Variants in PIGZ observed in about 807,000 individuals in gnomAD.
PIGZ encodes the protein phosphatidylinositol glycan anchor biosynthesis class Z (Gwada blood group).
Under a neutral mutation model 16.4 loss-of-function variants are expected in PIGZ, and 16 were observed. The ratio of observed to expected loss-of-function variants is 0.97; its 90% CI spans 0.66 to 1.48. The LOEUF is 1.48. Among genes scored for constraint, PIGZ ranks in the 40% most tolerant of loss-of-function variants. PIGZ has a pLI of 0.00. For missense variants in PIGZ, 770 were observed against 739.2 expected (o/e 1.04, Z -0.48); for synonymous variants, 409 against 338.4 (o/e 1.21, Z -2.29).
At position 196,948,150 on chromosome 3, in the gene PIGZ, AG is replaced by A; in HGVS notation, c.746del (p.Pro249LeufsTer3). 6.2e-7 allele frequency: 1 copy of A among 1,610,860 alleles called. No individual in the cohort carries two copies. Among genetic ancestry groups the A allele is most frequent in the East Asian group, 2.2e-5 (1 of 44,800 alleles). ...CCTCCCGGGTCAGAGACTTCAAACC[AG>A]GGTTTGTGGCTCCACGAGTGCCCCA... ...YLWGTRGATN[P>X]GLKSLTREAL... is the part of the protein sequence containing the mutation. On this transcript the variant is annotated frameshift_variant, in exon 3 of 3. Transcript: ENST00000412723. LOFTEE classifies it low-confidence loss of function (END_TRUNC).
Position 196,949,105 on chromosome 3 carries a change from G to A in PIGZ, c.212-420C>T, listed in dbSNP as rs142725212. 2.4e-4 allele frequency among the ~76,000 whole-genome samples: 34 copies of A among 140,874 alleles called. No individual in the cohort carries two copies. In the East Asian group the frequency reaches 3.7e-3, roughly 15 times the overall value. The allele number at this position is 140,874 out of a possible 152,430, so 92.4% of individuals were successfully genotyped here. ...ATCTCTGTCACCCAGGCTGGAGTGC[G>A]GTGGCGAGATCACAGCTCTCGCTAT... On this transcript the variant is annotated intron_variant, in intron 2 of 2. Coordinates refer to ENST00000412723, the MANE Select transcript of PIGZ (RefSeq NM_025163.4).
intron 2 of PIGZ, among the ~76,000 whole-genome samples, chr3:196,949,574 C>A (rs534233482): frequency 1.6e-4 from 25 of 152,344 alleles, no homozygotes; most frequent in African/African-American, 5.8e-4. Context: ...CTGATGTCCA[C>A]CTTGTGAGCA....
intron 1 of PIGZ, among the ~76,000 whole-genome samples, chr3:196,961,339 A>G (rs1717715874): frequency 1.3e-5 from 2 of 152,204 alleles, no homozygotes; most frequent in Admixed American, 6.5e-5. Flanking sequence ...TGATCACCCA[A>G]CCCTTCCAAA....
Position 196,960,763 on chromosome 3 carries a change from G to GAAAGAAAGAAAGAAAGAAAGAAAGAA in PIGZ, c.-1+7923_-1+7924insTTCTTTCTTTCTTTCTTTCTTTCTTT, listed in dbSNP as rs766748842. Among the ~76,000 whole-genome samples the GAAAGAAAGAAAGAAAGAAAGAAAGAA allele has an allele frequency of 1.0e-3, 152 of 146,794 alleles. 1 individual carries two copies. The highest frequency in any genetic ancestry group is 2.4e-3 in the Admixed American group (35 of 14,694). ...AGAAAGAAAGAAAGAAAGAAAGAAA[G>GAAAGAAAGAAAGAAAGAAAGAAAGAA]AAAAGAAAACAACTACCTGCCTATC... On this transcript the variant is annotated intron_variant, in intron 1 of 2. Transcript: ENST00000412723.
chr3:196,968,030 C>T (rs955483038), intron 1 of PIGZ, among the ~76,000 whole-genome samples: 2 of 152,234 alleles, frequency 1.3e-5, no homozygotes, highest in Non-Finnish European at 2.9e-5. Context: ...GTCCTCATTA[C>T]AGAACTTTCC....
intron 1 of PIGZ, among the ~76,000 whole-genome samples, chr3:196,960,195 G>A (rs754986280): frequency 5.9e-5 from 9 of 152,214 alleles, no homozygotes; most frequent in Non-Finnish European, 1.2e-4. Context: ...GGTGTTCAGA[G>A]AGATTTTCCT....
chr3:196,967,871 G>A (rs1717993501), intron 1 of PIGZ, among the ~76,000 whole-genome samples: 1 of 152,228 alleles, frequency 6.6e-6, no homozygotes, highest in Non-Finnish European at 1.5e-5. Context: ...AACCACCCGC[G>A]ACCTTGCAGT....
At chr3:196,952,332 T>C (rs989649348) in intron 1 of PIGZ, among the ~76,000 whole-genome samples, 1 of 152,268 alleles carries the variant, frequency 6.6e-6, no homozygotes, top group Middle Eastern at 3.2e-3. Flanking sequence ...TCATTTTATG[T>C]GTCCACTTGA....
At chr3:196,959,584 C>A (rs1717628094) in intron 1 of PIGZ, among the ~76,000 whole-genome samples, 1 of 152,188 alleles carries the variant, frequency 6.6e-6, no homozygotes, top group South Asian at 2.1e-4. Context: ...AAACAACCAA[C>A]CAAAACTCCC....
At position 196,947,491 on chromosome 3, in the gene PIGZ, G is replaced by C; in HGVS notation, c.1406C>G (p.Pro469Arg). Residue 469 changes from proline to arginine, a missense_variant, in exon 3 of 3, where the codon CCC becomes CGC. Pro to Arg is a moderately radical substitution (Grantham distance 103, BLOSUM62 -2). Transcript: ENST00000412723. ...TLLFTHTYMP[P>R]RHLLHLPGLG... ...GCCTGGGAGGTGTAGGAGGTGCCGG[G>C]GGGGCATGTAGGTGTGAGTGAAGAG... The C allele has an allele frequency of 6.2e-7, 1 of 1,613,648 alleles. No individual in the cohort carries two copies. The highest frequency in any genetic ancestry group is 8.5e-7 in the Non-Finnish European group (1 of 1,179,982).
Position 196,951,640 on chromosome 3 carries a change from C to T in PIGZ, c.211+181G>A, listed in dbSNP as rs1398654393. The T allele has an allele frequency of 8.0e-6, 5 of 628,300 alleles. No individual in the cohort carries two copies. In the Admixed American group the frequency reaches 8.0e-5, roughly 10 times the overall value. The allele number at this position is 628,300 out of a possible 1,614,324, so 38.9% of individuals were successfully genotyped here. On this transcript the variant is annotated intron_variant, in intron 2 of 2. Transcript: ENST00000412723. ...TACCCAGAAGGTCAGTGTCACCACTCGGGAAGGAGATATGAAGTCCCCACT... is the reference window on the plus strand; with the variant it reads ...TACCCAGAAGGTCAGTGTCACCACTTGGGAAGGAGATATGAAGTCCCCACT...
intron 1 of PIGZ, among the ~76,000 whole-genome samples, chr3:196,962,201 C>T (rs1717747839): frequency 6.6e-6 from 1 of 152,186 alleles, no homozygotes; most frequent in South Asian, 2.1e-4. Flanking sequence ...GAAACATGCG[C>T]TGTATTGACT....
chr3:196,957,888 T>C (rs1717561938), intron 1 of PIGZ, among the ~76,000 whole-genome samples: 1 of 152,274 alleles, frequency 6.6e-6, no homozygotes, highest in Non-Finnish European at 1.5e-5. Context: ...TGTTTCCTAG[T>C]CTTTACAGTA....
chr3:196,962,726 C>T (rs946127462), intron 1 of PIGZ, among the ~76,000 whole-genome samples: 5 of 151,218 alleles, frequency 3.3e-5, no homozygotes, highest in African/African-American at 4.8e-5. Context: ...ATCTAGCCTA[C>T]GTGCACATTC....
rs1717879207 is a variant in PIGZ at position 196,965,236 on chromosome 3, A to C, written c.-1+3451T>G. Among the ~76,000 whole-genome samples, 1 of 148,962 alleles carries C rather than the reference A, an allele frequency of 6.7e-6. No homozygotes were observed. Among genetic ancestry groups the C allele is most frequent in the African/African-American group, 2.5e-5 (1 of 39,448 alleles). ...ACTCACAGTTCTACATTGCTGGGGA[A>C]GTTTCAGGAAACTTACAGTCATAGC... On this transcript the variant is annotated intron_variant, in intron 1 of 2. Coordinates refer to ENST00000412723, the MANE Select transcript of PIGZ (RefSeq NM_025163.4). The surrounding 1 kb of genome is among the most constrained non-coding windows in gnomAD (Gnocchi z 4.2).
intron 1 of PIGZ, among the ~76,000 whole-genome samples, chr3:196,960,431 G>A (rs1204070110): frequency 6.6e-6 from 1 of 152,090 alleles, no homozygotes; most frequent in Admixed American, 6.6e-5. Flanking sequence ...CAGCATTTTG[G>A]GAGGCCGAGG....
chr3:196,952,062 G>T (rs369002470), intron 1 of PIGZ, 31 bp from the exon 2 acceptor site: 7 of 1,575,774 alleles, frequency 4.4e-6, no homozygotes, highest in East Asian at 4.5e-5. Context: ...TGGTTATCAC[G>T]ATGTAAATTA....
chr3:196,962,417 C>T (rs1717754972), intron 1 of PIGZ, among the ~76,000 whole-genome samples: 2 of 152,054 alleles, frequency 1.3e-5, no homozygotes, highest in African/African-American at 4.8e-5. Flanking sequence ...GATGTGGCCT[C>T]GTTGGAAGGG....
At position 196,946,542 on chromosome 3, in the gene PIGZ, C is replaced by T. The variant is rs1183588994; in HGVS notation, c.*615G>A. On this transcript the variant is annotated 3_prime_UTR_variant, in exon 3 of 3. Coordinates refer to ENST00000412723, the MANE Select transcript of PIGZ (RefSeq NM_025163.4). ...ACTCCAGGAATGACACAATGTTAGC[C>T]GGCAGACACCTCAAAGTTCCTCTGA... The T allele has an allele frequency of 2.6e-5, 4 of 152,230 alleles. No homozygotes were observed. The highest frequency in any genetic ancestry group is 7.2e-5 in the African/African-American group (3 of 41,410). The allele number at this position is 152,230 out of a possible 1,614,324, so 9.4% of individuals were successfully genotyped here.
Sources: gnomAD v4.1 joint callset for allele counts (sites outside exome capture counted in the v4.1 genomes callset) on GRCh38, gnomAD v4.1.1 for gene constraint, Gnocchi (gnomAD v3.1) non-coding constraint, MANE v1.5 for transcripts, NCBI Gene and HGNC (gene_info 2026-07-23, HGNC 2026-07-21) for gene names.